Variants in CPQ observed in about 807,000 individuals in gnomAD.
CPQ encodes Ser-Met dipeptidase.
Under a neutral mutation model 45.7 loss-of-function variants are expected in CPQ, and 37 were observed. The observed-to-expected ratio is 0.81, with a 90% CI of 0.62 to 1.07. The LOEUF is 1.07. Ranked by LOEUF, CPQ falls within the 50% of genes least tolerant of loss-of-function variation. CPQ has a pLI of 0.00. For missense variants in CPQ, 537 were observed against 572.9 expected (o/e 0.94, Z 0.64); for synonymous variants, 186 against 205.8 (o/e 0.90, Z 0.82).
chr8:97,023,518 A>T (rs1389584990), intron 5 of CPQ, among the ~76,000 whole-genome samples: 1 of 152,166 alleles, frequency 6.6e-6, no homozygotes, highest in Admixed American at 6.5e-5. Context: ...AGAGGATGAG[A>T]GTGGAAAACT....
At chr8:96,778,685 C>T (rs1810647095) in intron 1 of CPQ, among the ~76,000 whole-genome samples, 2 of 152,036 alleles carry the variant, frequency 1.3e-5, no homozygotes, top group African/African-American at 4.8e-5. Context: ...GAATAACACT[C>T]AGTTTCTGTT....
rs1410484524 is a variant in CPQ at position 96,645,350 on chromosome 8, G to A, written c.-87G>A. 6.6e-6 allele frequency: 1 copy of A among 152,488 alleles called. No individual in the cohort carries two copies. The highest frequency in any genetic ancestry group is 1.9e-4 in the East Asian group (1 of 5,186). The allele number at this position is 152,488 out of a possible 1,614,324, so 9.4% of individuals were successfully genotyped here. On this transcript the variant is annotated 5_prime_UTR_variant, in exon 1 of 8. Coordinates refer to ENST00000220763, the MANE Select transcript of CPQ (RefSeq NM_016134.4). ...CGCCGCCACCGTAAGGCTAGGCCGCGAGCTTAGTCCTGGGAGCCGCCTCCG... is the reference window on the plus strand; with the variant it reads ...CGCCGCCACCGTAAGGCTAGGCCGCAAGCTTAGTCCTGGGAGCCGCCTCCG...
At position 96,948,072 on chromosome 8, in the gene CPQ, T is replaced by G. The variant is rs560766768; in HGVS notation, c.850-17863T>G. 3.9e-5 allele frequency among the ~76,000 whole-genome samples: 6 copies of G among 152,096 alleles called. No homozygotes were observed. In the East Asian group the frequency reaches 1.2e-3, roughly 30 times the overall value. ...CCTTCCATATCAAGTCTCCCCTTTTTAAATACTTAGCTTCTTCCTAGAAAT... is the reference window on the plus strand; with the variant it reads ...CCTTCCATATCAAGTCTCCCCTTTTGAAATACTTAGCTTCTTCCTAGAAAT... On this transcript the variant is annotated intron_variant, in intron 4 of 7. Coordinates refer to ENST00000220763, the MANE Select transcript of CPQ (RefSeq NM_016134.4).
chr8:97,039,886 T>G (rs1402170565), intron 6 of CPQ, among the ~76,000 whole-genome samples: 1 of 151,702 alleles, frequency 6.6e-6, no homozygotes, highest in Non-Finnish European at 1.5e-5. Context: ...CTATCATTGT[T>G]GGACATTTGG....
At chr8:96,972,364 G>A (rs149740221) in intron 5 of CPQ, among the ~76,000 whole-genome samples, 1 of 152,304 alleles carries the variant, frequency 6.6e-6, no homozygotes, top group East Asian at 1.9e-4. Flanking sequence ...CCCTGCCAAA[G>A]GAGAGGCTGA....
chr8:97,045,289 G>A (rs1380569294), intron 6 of CPQ, among the ~76,000 whole-genome samples: 1 of 152,230 alleles, frequency 6.6e-6, no homozygotes, highest in Admixed American at 6.5e-5. Context: ...TACCTTCCAA[G>A]CCATGTGCGG....
At chr8:97,031,111 T>C (rs1417987149) in intron 6 of CPQ, among the ~76,000 whole-genome samples, 1 of 152,074 alleles carries the variant, frequency 6.6e-6, no homozygotes, top group African/African-American at 2.4e-5. Context: ...AGAGAGTAAC[T>C]TATTTTTAAG....
intron 7 of CPQ, among the ~76,000 whole-genome samples, chr8:97,137,577 T>C (rs1171078525): frequency 6.6e-6 from 1 of 152,220 alleles, no homozygotes; most frequent in Non-Finnish European, 1.5e-5. Context: ...GCTTTCTAGC[T>C]ACTACCAGAG....
chr8:96,858,022 C>T (rs1272194657), intron 3 of CPQ, among the ~76,000 whole-genome samples: 4 of 152,110 alleles, frequency 2.6e-5, no homozygotes, highest in Non-Finnish European at 5.9e-5. Flanking sequence ...GTTTGGAGCA[C>T]CTACCATGTA....
chr8:97,061,316 C>A (rs527759067), intron 6 of CPQ, among the ~76,000 whole-genome samples: 1 of 152,222 alleles, frequency 6.6e-6, no homozygotes, highest in South Asian at 2.1e-4. Flanking sequence ...TTAGCAGGAA[C>A]AACAACTTCT....
chr8:96,870,838 A>G (rs1443900701), intron 3 of CPQ, among the ~76,000 whole-genome samples: 2 of 151,980 alleles, frequency 1.3e-5, no homozygotes, highest in Admixed American at 1.3e-4. Flanking sequence ...GAACAAAAAT[A>G]TCACCCTTCC....
chr8:97,038,825 CAAAAAAAA>C lies in CPQ; in HGVS notation c.1053+9348_1053+9355del, dbSNP rs35739621. Reference sequence around the variant, plus strand: ...CTGTATTCCAAAAAAACCGTATTTACAAAAAAAAAAAAAAAAAAAAAAAAGAATAAAGG... The same window carrying C: ...CTGTATTCCAAAAAAACCGTATTTACAAAAAAAAAAAAAAAAGAATAAAGG... On this transcript the variant is annotated intron_variant, in intron 6 of 7. Coordinates refer to ENST00000220763, the MANE Select transcript of CPQ (RefSeq NM_016134.4). Among the ~76,000 whole-genome samples, 309 of 91,872 alleles carry C rather than the reference CAAAAAAAA, an allele frequency of 3.4e-3. 1 individual carries two copies. Among genetic ancestry groups the C allele is most frequent in the Middle Eastern group, 0.013 (2 of 150 alleles). 60.3% of individuals were successfully genotyped at this position (91,872 alleles called of 152,430 possible). A position where few individuals can be genotyped will look rare whatever the true frequency, so the allele number is the denominator to read the frequency against.
At chr8:96,842,744 T>C (rs1811629523) in intron 3 of CPQ, among the ~76,000 whole-genome samples, 1 of 152,170 alleles carries the variant, frequency 6.6e-6, no homozygotes, top group African/African-American at 2.4e-5. Context: ...AGCCAGGCAA[T>C]GTATTTTGGA....
At chr8:96,765,062 T>C (rs937504918) in intron 1 of CPQ, among the ~76,000 whole-genome samples, 3 of 152,216 alleles carry the variant, frequency 2.0e-5, no homozygotes, top group Admixed American at 6.5e-5. Context: ...TAGAAGCAGA[T>C]TTACTGCAGT....
intron 4 of CPQ, among the ~76,000 whole-genome samples, chr8:96,909,754 C>A (rs1812630819): frequency 1.3e-5 from 2 of 152,120 alleles, no homozygotes; most frequent in Admixed American, 1.3e-4. Context: ...AGCCAGCCTG[C>A]CTGTCTGTGA....
At chr8:97,048,050 C>T (rs771155096) in intron 6 of CPQ, among the ~76,000 whole-genome samples, 3 of 152,126 alleles carry the variant, frequency 2.0e-5, no homozygotes, top group Non-Finnish European at 2.9e-5. Context: ...TAACCATTCC[C>T]GAAACACCAA....
intron 5 of CPQ, among the ~76,000 whole-genome samples, chr8:96,991,031 T>C (rs1203777346): frequency 6.6e-6 from 1 of 152,196 alleles, no homozygotes; most frequent in Non-Finnish European, 1.5e-5. Flanking sequence ...CTAGTTTGTA[T>C]TCACCATATT....
chr8:97,066,375 G>A (rs1022590794), intron 7 of CPQ, among the ~76,000 whole-genome samples, 165 bp downstream of exon 7: 11 of 152,134 alleles, frequency 7.2e-5, no homozygotes, highest in Non-Finnish European at 1.0e-4. Flanking sequence ...TGGGATAATA[G>A]TCCTCACCTT....
At chr8:96,901,672 G>A (rs1010107798) in intron 4 of CPQ, among the ~76,000 whole-genome samples, 18 of 152,190 alleles carry the variant, frequency 1.2e-4, no homozygotes, top group Non-Finnish European at 2.6e-4. Context: ...GGACTTACAT[G>A]TGAGTAGTTT....
Sources: allele counts gnomAD v4.1 joint callset (sites outside exome capture counted in the v4.1 genomes callset), GRCh38; gene constraint gnomAD v4.1.1; transcripts MANE v1.5; gene names NCBI Gene and HGNC (gene_info 2026-07-23, HGNC 2026-07-21).